Variants in ATXN1 observed in about 807,000 individuals in gnomAD.
The protein encoded by ATXN1 is ataxin 1.
Under a neutral mutation model 56.4 loss-of-function variants are expected in ATXN1, and 8 were observed. That is an observed-to-expected ratio of 0.14 (90% CI 0.08 to 0.26). The LOEUF is 0.26. ATXN1 is among the 10% of genes least tolerant of loss of function. The pLI, the probability that ATXN1 is intolerant of heterozygous loss-of-function variation, is 1.00. For missense variants in ATXN1, 987 were observed against 1,106.5 expected (o/e 0.89, Z 1.53); for synonymous variants, 514 against 494.6 (o/e 1.04, Z -0.52).
At chr6:16,397,249 TTTTTG>T (rs1331305920) in intron 6 of ATXN1, among the ~76,000 whole-genome samples, 1 of 152,100 alleles carries the variant, frequency 6.6e-6, no homozygotes, top group Non-Finnish European at 1.5e-5. Context: ...GTAGCTAAAC[TTTTTG>T]TTTTGTTTTT....
Position 16,572,736 on chromosome 6 carries a change from C to T in ATXN1, c.-361+13044G>A, listed in dbSNP as rs377557600. 3.3e-4 allele frequency among the ~76,000 whole-genome samples: 51 copies of T among 152,280 alleles called. No individual in the cohort carries two copies. The Middle Eastern group carries it at 0.01, about 31-fold the overall frequency. The stretch of plus-strand genomic sequence containing the variant: ...GGGTGTGCTCACTAGGTGATATTAT[C>T]TACGTTGAAAAGACATGGTACCTGA... On this transcript the variant is annotated intron_variant, in intron 4 of 7. Coordinates refer to ENST00000436367, the MANE Select transcript of ATXN1 (RefSeq NM_001128164.2).
intron 1 of ATXN1, chr6:16,761,078 ACACACACACG>A (rs1353504719): frequency 1.1e-5 from 4 of 356,716 alleles, no homozygotes; most frequent in South Asian, 2.1e-5. Context: ...ACACACACAC[ACACACACACG>A]CACACACACA....
At chr6:16,599,328 G>A (rs958057152) in intron 3 of ATXN1, among the ~76,000 whole-genome samples, 1 of 152,064 alleles carries the variant, frequency 6.6e-6, no homozygotes, top group African/African-American at 2.4e-5. Flanking sequence ...ACAGATTTGT[G>A]CACTGAGAAG....
At chr6:16,696,438 C>T (rs1759167434) in intron 2 of ATXN1, among the ~76,000 whole-genome samples, 1 of 152,178 alleles carries the variant, frequency 6.6e-6, no homozygotes, top group African/African-American at 2.4e-5. Flanking sequence ...TATATAGTAG[C>T]ACTCTACTTA....
intron 4 of ATXN1, among the ~76,000 whole-genome samples, chr6:16,531,490 G>A (rs1761502461): frequency 6.6e-6 from 1 of 152,092 alleles, no homozygotes; most frequent in Non-Finnish European, 1.5e-5. Context: ...GGGCGTGGTG[G>A]CAGACACCTG....
At chr6:16,450,577 AC>A (rs2113611666) in intron 6 of ATXN1, among the ~76,000 whole-genome samples, 1 of 152,348 alleles carries the variant, frequency 6.6e-6, no homozygotes, top group South Asian at 2.1e-4. Flanking sequence ...GTAACTCTGA[AC>A]TGACTCACTC....
intron 4 of ATXN1, among the ~76,000 whole-genome samples, chr6:16,566,729 T>G (rs1009036453): frequency 2.6e-5 from 4 of 151,874 alleles, no homozygotes; most frequent in Admixed American, 6.6e-5. Context: ...GGTGGTGGGT[T>G]CCTGTAATCT....
chr6:16,706,930 T>G (rs932671213), intron 2 of ATXN1, among the ~76,000 whole-genome samples: 5 of 152,172 alleles, frequency 3.3e-5, no homozygotes, highest in African/African-American at 1.2e-4. Context: ...CTTCTACAGT[T>G]TTCCTAACAG....
At chr6:16,364,922 TG>T (rs1333313173) in intron 6 of ATXN1, among the ~76,000 whole-genome samples, 2 of 152,136 alleles carry the variant, frequency 1.3e-5, no homozygotes, top group African/African-American at 2.4e-5. Context: ...GGGAAATGAG[TG>T]GTGACTACAG....
At chr6:16,645,484 T>G (rs1302359537) in intron 3 of ATXN1, among the ~76,000 whole-genome samples, 3 of 152,188 alleles carry the variant, frequency 2.0e-5, no homozygotes, top group Non-Finnish European at 4.4e-5. Context: ...CTTAAACCAG[T>G]GGAAGAAATA....
chr6:16,555,737 C>T (rs928706709), intron 4 of ATXN1, among the ~76,000 whole-genome samples: 4 of 152,186 alleles, frequency 2.6e-5, no homozygotes, highest in African/African-American at 4.8e-5. Context: ...AGCAACAGGA[C>T]GCATCAGTTT....
rs1163313957 is a variant in ATXN1 at position 16,562,451 on chromosome 6, A to AAAAGGAAAGGAAACG, written c.-361+23328_-361+23329insCGTTTCCTTTCCTTT. Among the ~76,000 whole-genome samples, 658 of 90,522 alleles carry AAAAGGAAAGGAAACG rather than the reference A, an allele frequency of 7.3e-3. 10 individuals carry two copies. The highest frequency in any genetic ancestry group is 0.024 in the East Asian group (98 of 4,032). 59.4% of individuals were successfully genotyped at this position (90,522 alleles called of 152,430 possible). A position where few individuals can be genotyped will look rare whatever the true frequency, so the allele number is the denominator to read the frequency against. On this transcript the variant is annotated intron_variant, in intron 4 of 7. Coordinates refer to ENST00000436367, the MANE Select transcript of ATXN1 (RefSeq NM_001128164.2). ...GGAAGGAGAAGAAAAGAAAAGAAAG[A>AAAAGGAAAGGAAACG]AAAGGAGAGGAGAGGAGAGGAGAGG... is the stretch of plus-strand genomic sequence containing the variant.
chr6:16,700,376 G>C (rs907748177), intron 2 of ATXN1, among the ~76,000 whole-genome samples: 1 of 152,078 alleles, frequency 6.6e-6, no homozygotes, highest in African/African-American at 2.4e-5. Context: ...GTTTCTGCTG[G>C]TGCATATCTT....
chr6:16,348,116 T>C (rs1414711543), intron 6 of ATXN1, among the ~76,000 whole-genome samples: 3 of 152,134 alleles, frequency 2.0e-5, no homozygotes, highest in Non-Finnish European at 2.9e-5. Flanking sequence ...CGCACCTAAT[T>C]CTGGACACAG....
intron 4 of ATXN1, among the ~76,000 whole-genome samples, chr6:16,584,241 T>TAC (rs1197830966): frequency 2.8e-4 from 34 of 121,288 alleles, no homozygotes; most frequent in African/African-American, 8.8e-4. Context: ...TATATATATA[T>TAC]ATACACACAC....
chr6:16,704,032 CAAT>C (rs1759351396), intron 2 of ATXN1, among the ~76,000 whole-genome samples: 1 of 152,120 alleles, frequency 6.6e-6, no homozygotes, highest in African/African-American at 2.4e-5. Flanking sequence ...AAAAACAAAG[CAAT>C]AACAACAACG....
chr6:16,498,087 C>G (rs964741552), intron 5 of ATXN1, among the ~76,000 whole-genome samples: 1 of 152,152 alleles, frequency 6.6e-6, no homozygotes, highest in Non-Finnish European at 1.5e-5. Context: ...ACCATCATCA[C>G]TATCTAATTC....
chr6:16,507,788 A>G (rs1219701920), intron 5 of ATXN1, among the ~76,000 whole-genome samples: 1 of 152,158 alleles, frequency 6.6e-6, no homozygotes, highest in Non-Finnish European at 1.5e-5. Flanking sequence ...TTTGTTTTTT[A>G]ATGGAAGAAA....
intron 6 of ATXN1, among the ~76,000 whole-genome samples, chr6:16,335,650 T>TAA (rs1213024004): frequency 6.6e-6 from 1 of 152,228 alleles, no homozygotes; most frequent in Non-Finnish European, 1.5e-5. Context: ...AACCTGGGAA[T>TAA]GGCTTTATTT....
Sources: allele counts gnomAD v4.1 joint callset (sites outside exome capture counted in the v4.1 genomes callset), GRCh38; gene constraint gnomAD v4.1.1; transcripts MANE v1.5; gene names NCBI Gene and HGNC (gene_info 2026-07-23, HGNC 2026-07-21).